GLIS3: variants seen among roughly 807,000 people sequenced by gnomAD.
GLIS3 encodes the protein GLIS family zinc finger 3.
In GLIS3, 53 loss-of-function variants were observed where a neutral mutation model predicts 78.6. The observed-to-expected ratio is 0.67, with a 90% confidence interval of 0.54 to 0.85. The LOEUF (loss-of-function observed/expected upper bound fraction) is 0.85. Ranked by LOEUF, GLIS3 falls within the 40% of genes least tolerant of loss-of-function variation. The probability of loss-of-function intolerance (pLI) is 0.00; values close to 1 mark genes in which losing one functional copy is unlikely to be tolerated. For missense variants in GLIS3, 1,703 were observed against 1,231.1 expected (o/e 1.38, Z -5.74); for synonymous variants, 684 against 509.9 (o/e 1.34, Z -4.60).
intron 2 of GLIS3, among the ~76,000 whole-genome samples, chr9:4,186,769 ATG>A (rs1365178166): frequency 6.6e-6 from 1 of 151,856 alleles, no homozygotes; most frequent in Non-Finnish European, 1.5e-5. Context: ...GCTTTTTTTC[ATG>A]TGTCTTTTGG....
rs982057070 is a variant in GLIS3 at position 3,826,821 on chromosome 9, A to T, written c.*1451T>A. 5 of 152,372 alleles carry T rather than the reference A, an allele frequency of 3.3e-5. No individual in the cohort carries two copies. The highest frequency in any genetic ancestry group is 1.9e-4 in the East Asian group (1 of 5,186). The allele number at this position is 152,372 out of a possible 1,614,324, so 9.4% of individuals were successfully genotyped here. A position where few individuals can be genotyped will look rare whatever the true frequency, so the allele number is the denominator to read the frequency against. ...CACTTTTGTTCAGAAAAACATTTTT[A>T]AAAAGTGAGAAAAAATACTTGAAAT... is the stretch of plus-strand genomic sequence containing the variant. On this transcript the variant is annotated 3_prime_UTR_variant, in exon 11 of 11. Transcript: ENST00000381971.
chr9:3,898,705 G>C lies in GLIS3; in HGVS notation c.2114C>G (p.Pro705Arg). 6.2e-7 allele frequency: 1 copy of C among 1,614,164 alleles called. No individual in the cohort carries two copies. The highest frequency in any genetic ancestry group is 2.2e-5 in the East Asian group (1 of 44,874). The change falls in exon 7 of 11, where the codon CCT (proline) becomes CGT (arginine). Residue 705 changes from proline (P) to arginine (R), a missense_variant. Transcript: ENST00000381971. ...GCTGTCTTTACCTGAATAGAGGTCA[G>C]GCCCGGGTCCAGGGGAGCGTCCCAC... ...GTVGRSPGPG[P>R]DLYSAPIFSS... is the part of the protein sequence containing the mutation.
chr9:4,040,686 G>A (rs1824732900), intron 4 of GLIS3, among the ~76,000 whole-genome samples: 1 of 152,170 alleles, frequency 6.6e-6, no homozygotes, highest in Non-Finnish European at 1.5e-5. Context: ...GGAACTAAGT[G>A]GATAGTGAGT....
At chr9:4,413,490 T>C in the GLIS3 span, among the ~76,000 whole-genome samples, 2 of 152,162 alleles carry the variant, frequency 1.3e-5, no homozygotes, top group African/African-American at 4.8e-5. Context: ...TTTTCAGCTG[T>C]GTATTGTCTC....
the GLIS3 span, among the ~76,000 whole-genome samples, chr9:4,485,308 C>T: frequency 6.6e-6 from 1 of 152,166 alleles, no homozygotes; most frequent in Non-Finnish European, 1.5e-5. Context: ...AGCCACCGCG[C>T]TCAGCCCTAA....
the GLIS3 span, among the ~76,000 whole-genome samples, chr9:4,452,738 T>C: frequency 6.6e-6 from 1 of 152,200 alleles, no homozygotes. Flanking sequence ...AAGATGGCCA[T>C]ACTATCCAAA....
intron 4 of GLIS3, among the ~76,000 whole-genome samples, chr9:4,116,785 G>A (rs1039281121): frequency 1.3e-5 from 2 of 152,162 alleles, no homozygotes; most frequent in African/African-American, 2.4e-5. Flanking sequence ...TCAATATCCA[G>A]GGAATATATA....
chr9:4,026,195 A>C (rs1312856136), intron 4 of GLIS3, among the ~76,000 whole-genome samples: 1 of 152,224 alleles, frequency 6.6e-6, no homozygotes, highest in Non-Finnish European at 1.5e-5. Flanking sequence ...TCCAGTGGCT[A>C]TCTCAGTTTT....
At chr9:4,259,573 C>A (rs976319666) in intron 2 of GLIS3, among the ~76,000 whole-genome samples, 31 of 152,280 alleles carry the variant, frequency 2.0e-4, no homozygotes, top group Middle Eastern at 3.4e-3. Context: ...TAATCCTATC[C>A]CTTCGTCCTC....
the GLIS3 span, among the ~76,000 whole-genome samples, chr9:4,465,168 C>T: frequency 6.6e-5 from 10 of 152,366 alleles, no homozygotes; most frequent in South Asian, 1.9e-3. Context: ...TGTTTCAGCA[C>T]ATTTTTCAGT....
intron 2 of GLIS3, among the ~76,000 whole-genome samples, chr9:4,163,921 C>A (rs1161943383): frequency 1.3e-5 from 2 of 152,210 alleles, no homozygotes; most frequent in Non-Finnish European, 2.9e-5. Context: ...CATCACCATG[C>A]ATTTCTAGCA....
At position 4,321,784 on chromosome 9, in the gene GLIS3, C is replaced by A. The variant is rs773109807; in HGVS notation, n.265-11256G>T. On this transcript the variant is annotated intron_variant and non_coding_transcript_variant, in intron 2 of 4. Transcript: ENST00000471664. ...AGTGCAGTGGCATGATCTCATCTTA[C>A]CACAGCCTCCACCTCCCGGATTCAA... Among the ~76,000 whole-genome samples the A allele has an allele frequency of 1.3e-3, 193 of 152,200 alleles. 1 individual carries two copies. Among genetic ancestry groups the A allele is most frequent in the Non-Finnish European group, 2.2e-3 (150 of 68,020 alleles).
chr9:4,356,188 T>C, the GLIS3 span, among the ~76,000 whole-genome samples: 2 of 152,318 alleles, frequency 1.3e-5, no homozygotes, highest in East Asian at 3.9e-4. Context: ...TATGATTTGG[T>C]AAACAGGACC....
the GLIS3 span, chr9:4,386,531 G>A: frequency 3.3e-5 from 5 of 152,056 alleles, no homozygotes; most frequent in Admixed American, 6.5e-5. Flanking sequence ...GATTCTTGGC[G>A]TGTTGAACAA....
chr9:4,136,053 G>A (rs1024539528), intron 2 of GLIS3, among the ~76,000 whole-genome samples: 1 of 152,178 alleles, frequency 6.6e-6, no homozygotes, highest in African/African-American at 2.4e-5. Context: ...CAATTAGAAT[G>A]AAATAACCGG....
chr9:4,087,775 C>T (rs1112485), intron 4 of GLIS3, among the ~76,000 whole-genome samples: 15 of 152,060 alleles, frequency 9.9e-5, no homozygotes, highest in African/African-American at 3.1e-4. Flanking sequence ...GGGTAAGGTA[C>T]CAATCCTGCT....
At chr9:4,370,460 C>T in the GLIS3 span, among the ~76,000 whole-genome samples, 5 of 152,028 alleles carry the variant, frequency 3.3e-5, no homozygotes, top group African/African-American at 9.7e-5. Flanking sequence ...CTTCATCTCA[C>T]TTAGTTAAAT....
chr9:4,292,209 G>A (rs976152339), intron 1 of GLIS3, among the ~76,000 whole-genome samples: 7 of 152,160 alleles, frequency 4.6e-5, no homozygotes, highest in Non-Finnish European at 1.0e-4. Flanking sequence ...GGTGGTCCAT[G>A]AAATTAATTG....
the GLIS3 span, among the ~76,000 whole-genome samples, chr9:4,458,784 C>T: frequency 2.6e-5 from 4 of 151,984 alleles, no homozygotes; most frequent in Admixed American, 1.3e-4. Context: ...GGCAACAGAG[C>T]GAGACTTGAG....
Sources: allele counts gnomAD v4.1 joint callset (sites outside exome capture counted in the v4.1 genomes callset), GRCh38; gene constraint gnomAD v4.1.1; transcripts MANE v1.5; gene names NCBI Gene and HGNC (gene_info 2026-07-23, HGNC 2026-07-21).